Variants in RYR3 observed in about 807,000 individuals in gnomAD.
RYR3 encodes brain ryanodine receptor-calcium release channel.
Under a neutral mutation model 584.3 loss-of-function variants are expected in RYR3, and 207 were observed. That is an observed-to-expected ratio of 0.35 (90% confidence interval 0.32 to 0.40). The LOEUF (loss-of-function observed/expected upper bound fraction) is 0.40. Ranked by LOEUF, RYR3 falls within the 10% of genes least tolerant of loss-of-function variation. RYR3 has a pLI of 1.00. For synonymous variants in RYR3, 2,416 were observed against 2,248.5 expected (o/e 1.07, Z -2.11); for missense variants, 5,616 against 6,089.2 (o/e 0.92, Z 2.59).
intron 13 of RYR3, 124 bp from the exon 14 acceptor site, chr15:33,581,384 A>G: frequency 1.1e-6 from 1 of 945,640 alleles, no homozygotes; most frequent in Non-Finnish European, 1.6e-6. Flanking sequence ...TGGCACCATG[A>G]AGGTCTATTT....
chr15:33,515,386 C>T (rs780225528), intron 3 of RYR3, among the ~76,000 whole-genome samples: 17 of 152,200 alleles, frequency 1.1e-4, no homozygotes, highest in Non-Finnish European at 2.4e-4. Context: ...CAAATCCATG[C>T]TTTATTAGCT....
At chr15:33,557,688 C>A (rs1223959212) in intron 10 of RYR3, among the ~76,000 whole-genome samples, 2 of 152,074 alleles carry the variant, frequency 1.3e-5, no homozygotes, top group African/African-American at 2.4e-5. Flanking sequence ...CGGCCGGGTT[C>A]TAATTCCTTT....
In RYR3 at chr15:33,767,496, T is replaced by C. The variant is rs774727579; in HGVS notation, c.8706-1162T>C. On this transcript the variant is annotated intron_variant, in intron 60 of 103. Coordinates refer to ENST00000634891, the MANE Select transcript of RYR3 (RefSeq NM_001036.6). ...GGGAACTTTTGTTGTGATTTTCCAGTAGACAGTCCAAAAAGACTCAGGGCA... is the reference window on the plus strand; with the variant it reads ...GGGAACTTTTGTTGTGATTTTCCAGCAGACAGTCCAAAAAGACTCAGGGCA... 2.7e-5 allele frequency among the ~76,000 whole-genome samples: 4 copies of C among 149,418 alleles called. No homozygotes were observed. The Admixed American group carries it at 2.7e-4, about 10-fold the overall frequency.
At chr15:33,598,915 C>T (rs574642268) in intron 16 of RYR3, among the ~76,000 whole-genome samples, 7 of 152,030 alleles carry the variant, frequency 4.6e-5, no homozygotes, top group Non-Finnish European at 1.0e-4. Flanking sequence ...ATTAGCCAGG[C>T]GTGGTGGCAG....
intron 4 of RYR3, among the ~76,000 whole-genome samples, chr15:33,531,647 A>ATATT (rs34666972): frequency 7.3e-6 from 1 of 137,562 alleles, no homozygotes; most frequent in Non-Finnish European, 1.6e-5. Context: ...ATATATATAT[A>ATATT]TTTTTTTTTC....
intron 5 of RYR3, 53 bp downstream of exon 5, chr15:33,533,442 G>C: frequency 7.6e-7 from 1 of 1,320,336 alleles, no homozygotes; most frequent in Non-Finnish European, 1.1e-6. Flanking sequence ...TGGGCTAAGG[G>C]GCTTTTGAGA....
chr15:33,337,473 A>T (rs1454786496), intron 1 of RYR3, among the ~76,000 whole-genome samples: 2 of 152,100 alleles, frequency 1.3e-5, no homozygotes, highest in African/African-American at 4.8e-5. Flanking sequence ...TAGAAGAAAC[A>T]CTCCCAAATT....
chr15:33,572,198 C>T (rs2058060999), intron 12 of RYR3, among the ~76,000 whole-genome samples: 1 of 152,080 alleles, frequency 6.6e-6, no homozygotes, highest in African/African-American at 2.4e-5. Context: ...ATTACAGGAA[C>T]ATAAAAGAAA....
Position 33,561,247 on chromosome 15 carries a change from A to G in RYR3, c.973-1590A>G, listed in dbSNP as rs118057011. 3.4e-3 allele frequency among the ~76,000 whole-genome samples: 516 copies of G among 152,378 alleles called. 2 individuals carry two copies. The highest frequency in any genetic ancestry group is 8.9e-3 in the South Asian group (43 of 4,834). ...ACAAAAAGAAAATGTCGTATAGACA[A>G]ACACATTTTACATTATGATGTGCTA... is the stretch of plus-strand genomic sequence containing the variant. On this transcript the variant is annotated intron_variant, in intron 10 of 103. Coordinates refer to ENST00000634891, the MANE Select transcript of RYR3 (RefSeq NM_001036.6).
intron 59 of RYR3, 61 bp from the exon 60 acceptor site, chr15:33,757,414 A>G (rs2288604): frequency 0.24 from 375,636 of 1,546,434 alleles, 46,829 homozygotes; most frequent in South Asian, 0.29. Context: ...ACACTTTTAA[A>G]TGAACCAAAT....
chr15:33,728,515 A>T (rs1055942504), intron 46 of RYR3, among the ~76,000 whole-genome samples: 35 of 152,254 alleles, frequency 2.3e-4, no homozygotes, highest in Middle Eastern at 3.2e-3. Flanking sequence ...GTACAGATTG[A>T]GTATTCCTTA....
rs777442788 is a variant in RYR3, at chr15:33,731,712, GTTGT to G, written c.7424+20_7424+23del. 6.5e-7 allele frequency: 1 copy of G among 1,533,720 alleles called. No individual in the cohort carries two copies. Among genetic ancestry groups the G allele is most frequent in the South Asian group, 1.1e-5 (1 of 87,854 alleles). On this transcript the variant is annotated intron_variant, in intron 48 of 103. Coordinates refer to ENST00000634891, the MANE Select transcript of RYR3 (RefSeq NM_001036.6). Reference sequence around the variant, plus strand: ...ATTTGCAAGTAAGTACATATCCTATGTTGTTACTTCTGTGTATGCATCCAGGTCA... The same window carrying G: ...ATTTGCAAGTAAGTACATATCCTATGTACTTCTGTGTATGCATCCAGGTCA...
intron 16 of RYR3, among the ~76,000 whole-genome samples, chr15:33,599,220 G>C (rs1360546250): frequency 1.3e-5 from 2 of 152,176 alleles, no homozygotes; most frequent in African/African-American, 4.8e-5. Context: ...TAGGAGATTT[G>C]TCAAAGGTCA....
intron 1 of RYR3, among the ~76,000 whole-genome samples, chr15:33,430,878 G>A (rs931761120): frequency 1.3e-5 from 2 of 152,138 alleles, no homozygotes; most frequent in Admixed American, 6.5e-5. Flanking sequence ...GCCCCCAAGA[G>A]TGGGTCCCTG....
chr15:33,817,022 G>T, intron 75 of RYR3, 64 bp downstream of exon 75: 3 of 974,614 alleles, frequency 3.1e-6, no homozygotes, highest in Non-Finnish European at 4.8e-6. Context: ...GAATTCATGT[G>T]TGTGGTTGTA....
intron 1 of RYR3, among the ~76,000 whole-genome samples, chr15:33,379,687 C>CTCTATATATATATATATA: frequency 1.6e-5 from 2 of 125,522 alleles, no homozygotes; most frequent in African/African-American, 7.1e-5. Context: ...CTCTCTCTCT[C>CTCTATATATATATATATA]TATATATATA....
chr15:33,447,378 C>G (rs908933708), intron 1 of RYR3, among the ~76,000 whole-genome samples: 2 of 152,184 alleles, frequency 1.3e-5, no homozygotes, highest in African/African-American at 4.8e-5. Context: ...AACAGGAGAA[C>G]TGGACATTCT....
chr15:33,747,008 G>A (rs62012645), intron 53 of RYR3, among the ~76,000 whole-genome samples: 41,885 of 150,744 alleles, frequency 0.28, 6,346 homozygotes, highest in East Asian at 0.44. Context: ...ACGGGGTTTC[G>A]CCATGTTGGC....
chr15:33,695,052 C>T (rs1314832161), intron 38 of RYR3, among the ~76,000 whole-genome samples: 1 of 152,204 alleles, frequency 6.6e-6, no homozygotes, highest in African/African-American at 2.4e-5. Context: ...CTACCAGAAG[C>T]ACTGATCTGT....
Sources: gnomAD v4.1 joint callset for allele counts (sites outside exome capture counted in the v4.1 genomes callset) on GRCh38, gnomAD v4.1.1 for gene constraint, MANE v1.5 for transcripts, NCBI Gene and HGNC (gene_info 2026-07-23, HGNC 2026-07-21) for gene names.